Variants in LARP1B observed in about 807,000 individuals in gnomAD.
LARP1B encodes the protein La ribonucleoprotein 1B.
A neutral mutation model predicts 114.2 loss-of-function variants in LARP1B; 76 were observed. The observed-to-expected ratio is 0.67, with a 90% CI of 0.55 to 0.81. The LOEUF (loss-of-function observed/expected upper bound fraction) is 0.81, where lower values mean the gene tolerates loss of function less well. LARP1B is among the 30% of genes least tolerant of loss of function. The probability of loss-of-function intolerance (pLI) is 0.00; values close to 1 mark genes in which losing one functional copy is unlikely to be tolerated. For missense variants in LARP1B, 1,014 were observed against 1,075.8 expected (o/e 0.94, Z 0.80); for synonymous variants, 345 against 348.0 (o/e 0.99, Z 0.10).
intron 5 of LARP1B, among the ~76,000 whole-genome samples, chr4:128,086,520 G>A (rs749256889): frequency 1.3e-5 from 2 of 151,868 alleles, no homozygotes; most frequent in African/African-American, 2.4e-5. Context: ...GTAGAGATGG[G>A]GTTTCCCCAT....
At chr4:128,161,974 A>G (rs986883380) in intron 11 of LARP1B, among the ~76,000 whole-genome samples, 2 of 152,130 alleles carry the variant, frequency 1.3e-5, no homozygotes, top group Non-Finnish European at 2.9e-5. Flanking sequence ...AATGTTTTTT[A>G]ATTATAAAAT....
At chr4:128,065,259 T>TTC (rs1250461775) in intron 1 of LARP1B, among the ~76,000 whole-genome samples, 1 of 68,530 alleles carries the variant, frequency 1.5e-5, no homozygotes, top group Non-Finnish European at 3.2e-5. Flanking sequence ...ATTAATTTCT[T>TTC]TCTTTCTTTC....
intron 5 of LARP1B, among the ~76,000 whole-genome samples, chr4:128,084,544 A>G (rs1772526285): frequency 6.6e-6 from 1 of 151,546 alleles, no homozygotes; most frequent in South Asian, 2.1e-4. Context: ...AGAATCAGGC[A>G]GGGAGGTTGC....
chr4:128,212,982 G>A (rs10009134), downstream of LARP1B, among the ~76,000 whole-genome samples: 100 of 137,522 alleles, frequency 7.3e-4, no homozygotes, highest in African/African-American at 2.7e-3. Context: ...GCAATGACGC[G>A]ATCTCGTCTC....
At chr4:128,068,941 A>G (rs1764125577) in intron 1 of LARP1B, 1 of 550,366 alleles carries the variant, frequency 1.8e-6, no homozygotes, top group Non-Finnish European at 3.2e-6. Context: ...TTTAACAGAT[A>G]AATAATACCT....
intron 5 of LARP1B, among the ~76,000 whole-genome samples, chr4:128,084,658 G>A (rs1288875463): frequency 2.0e-5 from 3 of 151,958 alleles, no homozygotes; most frequent in African/African-American, 7.3e-5. Context: ...GGGAGAGGGA[G>A]AGCGGAATTT....
At chr4:128,219,701 C>T (rs1352365718) in intron 6 of LARP1B, among the ~76,000 whole-genome samples, 79 of 141,476 alleles carry the variant, frequency 5.6e-4, no homozygotes, top group Middle Eastern at 3.7e-3. Context: ...TGCTAGATGA[C>T]GCGTTAGTGG....
chr4:128,060,872 G>A (rs565829378), upstream of LARP1B, among the ~76,000 whole-genome samples: 1 of 152,194 alleles, frequency 6.6e-6, no homozygotes, highest in Non-Finnish European at 1.5e-5. Flanking sequence ...GCTGCCCCAG[G>A]CCGGGGGTCG....
chr4:128,144,747 A>G lies in LARP1B; in HGVS notation c.1525-17447A>G, dbSNP rs562014957. ...TTCATTCTATTTTTAGGCCCGTCCA[A>G]GTAAAAGTTTTTCAGTTCTGGAATT... On this transcript the variant is annotated intron_variant, in intron 11 of 19. Transcript: ENST00000326639. 2.0e-5 allele frequency among the ~76,000 whole-genome samples: 3 copies of G among 152,248 alleles called. 1 individual carries two copies. The East Asian group carries it at 5.8e-4, about 29-fold the overall frequency.
intron 13 of LARP1B, among the ~76,000 whole-genome samples, chr4:128,177,177 G>A (rs1043267265): frequency 1.3e-5 from 2 of 152,150 alleles, no homozygotes; most frequent in Non-Finnish European, 2.9e-5. Flanking sequence ...AGGATGTTAA[G>A]CAGAAATATG....
chr4:128,155,797 A>T, intron 11 of LARP1B: 1 of 1,588,716 alleles, frequency 6.3e-7, no homozygotes, highest in Non-Finnish European at 8.6e-7. Flanking sequence ...GCAGGCGGAG[A>T]CTGATAAACT....
At chr4:128,080,944 A>G (rs945345319) in intron 4 of LARP1B, among the ~76,000 whole-genome samples, 1 of 152,168 alleles carries the variant, frequency 6.6e-6, no homozygotes, top group African/African-American at 2.4e-5. Context: ...CTAAAGCCTA[A>G]CTTTCCAAAG....
In LARP1B at chr4:128,210,093, A is replaced by C; in HGVS notation, c.*40A>C. 6.2e-7 allele frequency: 1 copy of C among 1,612,790 alleles called. No homozygotes were observed. Among genetic ancestry groups the C allele is most frequent in the Non-Finnish European group, 8.5e-7 (1 of 1,179,016 alleles). ...GTCCTGTGGTCTCAAGAAATGGTGA[A>C]ATGCCTGAGAAATAGACTCTTATGA... On this transcript the variant is annotated 3_prime_UTR_variant, in exon 20 of 20. Transcript: ENST00000326639.
intron 11 of LARP1B, among the ~76,000 whole-genome samples, chr4:128,148,113 C>G (rs1731129699): frequency 6.6e-6 from 1 of 152,136 alleles, no homozygotes; most frequent in South Asian, 2.1e-4. Context: ...ATACGTATCA[C>G]TTTATGCATA....
Position 128,211,117 on chromosome 4 carries a change from T to A in LARP1B, c.*1064T>A. On this transcript the variant is annotated 3_prime_UTR_variant, in exon 20 of 20. Coordinates refer to ENST00000326639, the MANE Select transcript of LARP1B (RefSeq NM_018078.4). ...TCAGTTTTTGTGAGATTTAAAAAAATAAAGCACTTATTCTGAATTTTTTGA... is the reference window on the plus strand; with the variant it reads ...TCAGTTTTTGTGAGATTTAAAAAAAAAAAGCACTTATTCTGAATTTTTTGA... 1.1e-6 allele frequency: 1 copy of A among 900,466 alleles called. No individual in the cohort carries two copies. The highest frequency in any genetic ancestry group is 5.2e-5 in the South Asian group (1 of 19,350). The allele number at this position is 900,466 out of a possible 1,614,324, so 55.8% of individuals were successfully genotyped here. A position where few individuals can be genotyped will look rare whatever the true frequency, so the allele number is the denominator to read the frequency against.
chr4:128,079,513 GTTGT>G (rs1426116687), intron 4 of LARP1B, among the ~76,000 whole-genome samples: 1 of 151,924 alleles, frequency 6.6e-6, no homozygotes, highest in Admixed American at 6.6e-5. Context: ...CAAACAAGTG[GTTGT>G]TAGAAAAATT....
chr4:128,073,468 A>T, intron 1 of LARP1B, among the ~76,000 whole-genome samples: 1 of 134,390 alleles, frequency 7.4e-6, no homozygotes, highest in Non-Finnish European at 1.6e-5. Flanking sequence ...AAGAAATACT[A>T]CCTCATACTC....
At chr4:128,143,797 G>GTGTGTGTGTGTGTGTA (rs1491148666) in intron 11 of LARP1B, among the ~76,000 whole-genome samples, 6 of 30,240 alleles carry the variant, frequency 2.0e-4, no homozygotes, top group African/African-American at 4.2e-4. Context: ...AAGGCACAGG[G>GTGTGTGTGTGTGTGTA]TGTGTGTGTG....
At chr4:128,088,961 T>TA (rs899312264) in intron 5 of LARP1B, among the ~76,000 whole-genome samples, 40 of 151,946 alleles carry the variant, frequency 2.6e-4, no homozygotes, top group African/African-American at 4.8e-4. Flanking sequence ...TCATCTCTGT[T>TA]AAAAAAAAGG....
Sources: allele counts gnomAD v4.1 joint callset (sites outside exome capture counted in the v4.1 genomes callset), GRCh38; gene constraint gnomAD v4.1.1; transcripts MANE v1.5; gene names NCBI Gene and HGNC (gene_info 2026-07-23, HGNC 2026-07-21).